Variants in WDR41 observed in about 807,000 individuals in gnomAD.
The protein encoded by WDR41 is WD repeat-containing protein 41.
Under a neutral mutation model 69.3 loss-of-function variants are expected in WDR41, and 63 were observed. That is an observed-to-expected ratio of 0.91 (90% CI 0.74 to 1.12). The LOEUF is 1.12. Among genes scored for constraint, WDR41 ranks in the 50% most tolerant of loss-of-function variants. WDR41 has a pLI of 0.00. For missense variants in WDR41, 543 were observed against 534.5 expected (o/e 1.02, Z -0.16); for synonymous variants, 185 against 192.1 (o/e 0.96, Z 0.31).
chr5:77,612,198 A>G (rs541818392), intron 1 of WDR41, among the ~76,000 whole-genome samples: 3 of 152,244 alleles, frequency 2.0e-5, no homozygotes, highest in Non-Finnish European at 4.4e-5. Context: ...TTGACAGCCA[A>G]ATTCTACCAG....
chr5:77,471,124 A>C (rs1374323762), intron 2 of WDR41, among the ~76,000 whole-genome samples: 2 of 152,178 alleles, frequency 1.3e-5, no homozygotes, highest in African/African-American at 2.4e-5. Context: ...TAAGAAACTC[A>C]CTCAAAACCG....
chr5:77,566,684 C>G (rs1423440812), intron 1 of WDR41, among the ~76,000 whole-genome samples: 2 of 152,082 alleles, frequency 1.3e-5, no homozygotes, highest in Non-Finnish European at 2.9e-5. Flanking sequence ...AAAGAATATG[C>G]TTTTGAAAGT....
intron 1 of WDR41, among the ~76,000 whole-genome samples, chr5:77,576,050 T>C (rs538564708): frequency 6.6e-6 from 1 of 152,186 alleles, no homozygotes; most frequent in East Asian, 1.9e-4. Context: ...AGAGATTTAA[T>C]AGTTCTCTCC....
Position 77,489,576 on chromosome 5 carries a change from G to C in WDR41, c.52-4C>G. 1 of 1,192,584 alleles carries C rather than the reference G, an allele frequency of 8.4e-7. No individual in the cohort carries two copies. Among genetic ancestry groups the C allele is most frequent in the Non-Finnish European group, 1.1e-6 (1 of 881,682 alleles). 73.9% of individuals were successfully genotyped at this position (1,192,584 alleles called of 1,614,324 possible). A position where few individuals can be genotyped will look rare whatever the true frequency, so the allele number is the denominator to read the frequency against. On this transcript the variant is annotated splice_polypyrimidine_tract_variant and splice_region_variant and intron_variant, in intron 1 of 12. Transcript: ENST00000296679. ...CTATTGTCTGTAAAGGAGATTTCTT[G>C]TATTGAAAAAAAAAAAAAAGCAAAA...
chr5:77,480,791 T>C (rs181242996), intron 2 of WDR41, among the ~76,000 whole-genome samples: 2,766 of 150,482 alleles, frequency 0.018, 62 homozygotes, highest in African/African-American at 0.055. Context: ...AACCTGCACA[T>C]TGTGCACATG....
At chr5:77,534,058 G>A (rs1424708788) in intron 1 of WDR41, among the ~76,000 whole-genome samples, 1 of 152,092 alleles carries the variant, frequency 6.6e-6, no homozygotes, top group African/African-American at 2.4e-5. Context: ...AAAATACAAT[G>A]TAATATTTCT....
At chr5:77,567,393 A>G (rs1017394609) in intron 1 of WDR41, among the ~76,000 whole-genome samples, 1 of 152,000 alleles carries the variant, frequency 6.6e-6, no homozygotes, top group Non-Finnish European at 1.5e-5. Context: ...AAAGATTTGC[A>G]CTCTTGGCTT....
At position 77,433,102 on chromosome 5, in the gene WDR41, A is replaced by G. The variant is rs1467475715; in HGVS notation, c.*33T>C. On this transcript the variant is annotated 3_prime_UTR_variant, in exon 13 of 13. Transcript: ENST00000296679. ...AGTAGTACCCGATATTTGATGTTCA[A>G]GGTTCATGCATGTGTATTTTTAATT... is the stretch of plus-strand genomic sequence containing the variant. 6.4e-7 allele frequency: 1 copy of G among 1,574,122 alleles called. No homozygotes were observed. Among genetic ancestry groups the G allele is most frequent in the Non-Finnish European group, 8.6e-7 (1 of 1,161,222 alleles).
At chr5:77,618,654 T>C (rs1168307244) in intron 1 of WDR41, among the ~76,000 whole-genome samples, 1 of 152,190 alleles carries the variant, frequency 6.6e-6, no homozygotes, top group Non-Finnish European at 1.5e-5. Flanking sequence ...ATTACAGGCG[T>C]GAGCCACCAC....
chr5:77,598,979 G>A lies in WDR41; in HGVS notation c.42+21500C>T, dbSNP rs76951315. On this transcript the variant is annotated intron_variant, in intron 1 of 5. Transcript: ENST00000509971. ...AAAATACAGTAATTTCAAACTTGAA[G>A]TCTTTAGACCTTTAGGGATGTGCAA... 1.1e-3 allele frequency among the ~76,000 whole-genome samples: 163 copies of A among 152,148 alleles called. 2 individuals carry two copies. In the East Asian group the frequency reaches 0.027, roughly 25 times the overall value.
intron 1 of WDR41, among the ~76,000 whole-genome samples, chr5:77,575,003 A>T (rs989815914): frequency 1.3e-5 from 2 of 152,232 alleles, no homozygotes; most frequent in African/African-American, 4.8e-5. Flanking sequence ...ATCACATTTC[A>T]TAAAAGCCTC....
At chr5:77,559,104 CA>C in intron 1 of WDR41, among the ~76,000 whole-genome samples, 1 of 152,054 alleles carries the variant, frequency 6.6e-6, no homozygotes, top group Non-Finnish European at 1.5e-5. Flanking sequence ...GTATTAAAGA[CA>C]GTGGTACGCT....
At chr5:77,463,294 T>G in intron 3 of WDR41, 68 bp from the exon 4 acceptor site, 1 of 1,421,438 alleles carries the variant, frequency 7.0e-7, no homozygotes, top group Non-Finnish European at 9.6e-7. Context: ...ATGACTACAT[T>G]AAGTACAACT....
chr5:77,496,300 A>C (rs183191049), upstream of WDR41, among the ~76,000 whole-genome samples: 1 of 152,048 alleles, frequency 6.6e-6, no homozygotes, highest in African/African-American at 2.4e-5. Flanking sequence ...AAAGCATCCA[A>C]ATTGGAAAGG....
rs1302489300 is a variant in WDR41, at chr5:77,608,256, C to G, written c.42+12223G>C. 2.0e-5 allele frequency among the ~76,000 whole-genome samples: 3 copies of G among 152,178 alleles called. No individual in the cohort carries two copies. In the East Asian group the frequency reaches 5.8e-4, roughly 29 times the overall value. On this transcript the variant is annotated intron_variant, in intron 1 of 5. Transcript: ENST00000509971. ...TTGTAGCATGTGTCAGAATTTCCTTCTTTTTAAGGCCGAATAATATTCCAT... is the reference window on the plus strand; with the variant it reads ...TTGTAGCATGTGTCAGAATTTCCTTGTTTTTAAGGCCGAATAATATTCCAT...
intron 1 of WDR41, among the ~76,000 whole-genome samples, chr5:77,535,647 G>T (rs1742959748): frequency 6.6e-6 from 1 of 152,156 alleles, no homozygotes; most frequent in Non-Finnish European, 1.5e-5. Flanking sequence ...AAAGGGAACA[G>T]TTGGCCTAGC....
chr5:77,481,192 T>C (rs1221218275), intron 2 of WDR41, among the ~76,000 whole-genome samples: 1 of 152,058 alleles, frequency 6.6e-6, no homozygotes, highest in East Asian at 1.9e-4. Flanking sequence ...GTATGTTTAG[T>C]AGAGATGGAG....
At chr5:77,445,608 G>A (rs66562866) in intron 8 of WDR41, among the ~76,000 whole-genome samples, 2 of 152,174 alleles carry the variant, frequency 1.3e-5, no homozygotes, top group African/African-American at 4.8e-5. Context: ...TGGGATGCAA[G>A]GCTGATTCAA....
At chr5:77,589,215 C>T (rs1200800194) in intron 1 of WDR41, among the ~76,000 whole-genome samples, 2 of 152,134 alleles carry the variant, frequency 1.3e-5, no homozygotes, top group East Asian at 1.9e-4. Flanking sequence ...AATCTAAATC[C>T]ATGAATAATG....
Sources: gnomAD v4.1 joint callset for allele counts (sites outside exome capture counted in the v4.1 genomes callset) on GRCh38, gnomAD v4.1.1 for gene constraint, MANE v1.5 for transcripts, NCBI Gene and HGNC (gene_info 2026-07-23, HGNC 2026-07-21) for gene names.